SHANK2: variants seen among roughly 807,000 people sequenced by gnomAD.
SHANK2 encodes the protein SH3 and multiple ankyrin repeat domains 2.
A neutral mutation model predicts 133.7 loss-of-function variants in SHANK2; 43 were observed. That is an observed-to-expected ratio of 0.32 (90% CI 0.25 to 0.41). SHANK2 has a LOEUF of 0.41. Ranked by LOEUF, SHANK2 falls within the 10% of genes least tolerant of loss-of-function variation. The probability of loss-of-function intolerance (pLI) is 1.00; values close to 1 mark genes in which losing one functional copy is unlikely to be tolerated. For synonymous variants in SHANK2, 1,017 were observed against 952.8 expected, an observed-to-expected ratio of 1.07 and a Z score of -1.24; for missense variants, 1,994 against 2,235.8, an observed-to-expected ratio of 0.89 and a Z score of 2.18.
At position 70,627,237 on chromosome 11, in the gene SHANK2, C is replaced by G. The variant is rs144855064; in HGVS notation, c.2061+32591G>C. Among the ~76,000 whole-genome samples the G allele has an allele frequency of 2.3e-3, 343 of 152,300 alleles. 2 individuals carry two copies. Among genetic ancestry groups the G allele is most frequent in the African/African-American group, 7.8e-3 (326 of 41,546 alleles). On this transcript the variant is annotated intron_variant, in intron 17 of 25. Transcript: ENST00000601538. ...CCACCCTCCTGAAGTTAGGTGCGGC[C>G]AAGTGAGCCGGCGGCTGCAGGGACG...
chr11:70,725,700 T>C (rs1309355912), intron 14 of SHANK2, among the ~76,000 whole-genome samples: 2 of 150,838 alleles, frequency 1.3e-5, no homozygotes, highest in South Asian at 2.1e-4. Flanking sequence ...GAGAATGTCA[T>C]TTATCAAAGG....
At chr11:70,798,802 T>C (rs145011476) in intron 13 of SHANK2, among the ~76,000 whole-genome samples, 855 of 152,334 alleles carry the variant, frequency 5.6e-3, no homozygotes, top group Non-Finnish European at 0.01. Context: ...AATGAAGCAC[T>C]GACATGTTTG....
chr11:70,919,385 T>A (rs869274527), intron 10 of SHANK2, among the ~76,000 whole-genome samples: 1 of 146,386 alleles, frequency 6.8e-6, no homozygotes, highest in African/African-American at 2.5e-5. Flanking sequence ...TTTTTTTTTT[T>A]AACTCTTTTT....
intron 17 of SHANK2, among the ~76,000 whole-genome samples, chr11:70,611,576 G>A (rs1025122221): frequency 1.3e-5 from 2 of 152,254 alleles, no homozygotes; most frequent in Non-Finnish European, 1.5e-5. Context: ...GAAACAGAGG[G>A]TGTCTGGTTT....
At chr11:71,100,172 T>C (rs1293363565) in intron 6 of SHANK2, among the ~76,000 whole-genome samples, 1 of 152,036 alleles carries the variant, frequency 6.6e-6, no homozygotes, top group Non-Finnish European at 1.5e-5. Flanking sequence ...AGTAGGAGTG[T>C]AAAATGGCGC....
chr11:70,715,846 A>G lies in SHANK2; in HGVS notation c.1778-17083T>C, dbSNP rs1591778936. Among the ~76,000 whole-genome samples the G allele has an allele frequency of 3.9e-5, 6 of 152,298 alleles. No homozygotes were observed. In the South Asian group the frequency reaches 1.2e-3, roughly 32 times the overall value. ...CACATGCCCCTGGACCCGGCAGCCCAGGGCTGGAGTCGCCAGTGGGGAGGA... is the reference window on the plus strand; with the variant it reads ...CACATGCCCCTGGACCCGGCAGCCCGGGGCTGGAGTCGCCAGTGGGGAGGA... On this transcript the variant is annotated intron_variant, in intron 14 of 25. Coordinates refer to ENST00000601538, the MANE Select transcript of SHANK2 (RefSeq NM_012309.5).
At chr11:70,671,054 T>C (rs1463091959) in intron 15 of SHANK2, among the ~76,000 whole-genome samples, 1 of 152,210 alleles carries the variant, frequency 6.6e-6, no homozygotes, top group Admixed American at 6.5e-5. Context: ...TGATAAGCAA[T>C]GCAAGTTTTT....
At chr11:70,885,307 G>A (rs1359247633) in intron 11 of SHANK2, among the ~76,000 whole-genome samples, 1 of 152,190 alleles carries the variant, frequency 6.6e-6, no homozygotes, top group Non-Finnish European at 1.5e-5. Context: ...CTCTAAGGGT[G>A]AGAACTGCCC....
At chr11:70,752,159 G>C (rs1555037537) in intron 14 of SHANK2, among the ~76,000 whole-genome samples, 1 of 151,784 alleles carries the variant, frequency 6.6e-6, no homozygotes, top group Non-Finnish European at 1.5e-5. Context: ...TTCTTATCCA[G>C]GCTGGTTTTG....
chr11:70,874,795 A>G (rs921700070), intron 11 of SHANK2, among the ~76,000 whole-genome samples: 25 of 152,154 alleles, frequency 1.6e-4, no homozygotes, highest in African/African-American at 5.8e-4. Context: ...AAGGAACACG[A>G]GTTCACTTTG....
chr11:71,246,866 TCCAGTAACAGCTCC>T (rs1404429817), intron 1 of SHANK2, among the ~76,000 whole-genome samples: 2 of 152,142 alleles, frequency 1.3e-5, no homozygotes, highest in Non-Finnish European at 2.9e-5. Context: ...GAGAGGCAGC[TCCAGTAACAGCTCC>T]CCTTTTCCAT....
rs147789540 is a variant in SHANK2 at position 71,106,849 on chromosome 11, G to A, written c.592+3092C>T. Among the ~76,000 whole-genome samples the A allele has an allele frequency of 5.4e-3, 824 of 152,154 alleles. 5 individuals carry two copies. Among genetic ancestry groups the A allele is most frequent in the African/African-American group, 0.018 (763 of 41,516 alleles). ...GAGGGAAGGGGAGGGGAGAGGCCAG[G>A]CGTGGTGGCACACACCTGTAATCCC... On this transcript the variant is annotated intron_variant, in intron 6 of 25. Transcript: ENST00000601538.
intron 1 of SHANK2, among the ~76,000 whole-genome samples, chr11:71,238,925 C>A (rs1265816171): frequency 2.6e-5 from 4 of 152,216 alleles, no homozygotes; most frequent in African/African-American, 9.6e-5. Flanking sequence ...CCCCTACACA[C>A]CTGTGGGTGT....
chr11:70,508,031 C>T (rs1178852073), intron 17 of SHANK2, among the ~76,000 whole-genome samples: 1 of 152,170 alleles, frequency 6.6e-6, no homozygotes, highest in African/African-American at 2.4e-5. Flanking sequence ...TAGATTCTGC[C>T]GAGAGGGCAC....
rs1945663135 is a variant in SHANK2, at chr11:70,706,342, G to T, written c.1778-7579C>A. 2.6e-5 allele frequency among the ~76,000 whole-genome samples: 4 copies of T among 152,308 alleles called. No individual in the cohort carries two copies. In the South Asian group the frequency reaches 8.3e-4, roughly 32 times the overall value. The stretch of plus-strand genomic sequence containing the variant: ...GGAGAAAGTGAGCGAATGGGTCAAA[G>T]CCACACACCCTTGGACCCTTTGCTC... On this transcript the variant is annotated intron_variant, in intron 14 of 25. Coordinates refer to ENST00000601538, the MANE Select transcript of SHANK2 (RefSeq NM_012309.5).
At chr11:71,197,061 G>A (rs1351677311) in intron 2 of SHANK2, among the ~76,000 whole-genome samples, 2 of 150,048 alleles carry the variant, frequency 1.3e-5, no homozygotes, top group East Asian at 2.0e-4. Context: ...AGGCCCTCAC[G>A]TGCCTCGCTC....
rs141339831 is a variant in SHANK2, at chr11:70,581,976, C to T, written c.2061+77852G>A. ...CCGTAAATGTTTGCCAGCTCTGCCC[C>T]GAGCCTCATGCCCACAGAGGCCATC... On this transcript the variant is annotated intron_variant, in intron 17 of 25. Coordinates refer to ENST00000601538, the MANE Select transcript of SHANK2 (RefSeq NM_012309.5). 1.7e-3 allele frequency among the ~76,000 whole-genome samples: 260 copies of T among 152,358 alleles called. 1 individual carries two copies. The highest frequency in any genetic ancestry group is 2.4e-3 in the Non-Finnish European group (166 of 68,032).
At chr11:70,740,170 G>C (rs189460918) in intron 14 of SHANK2, among the ~76,000 whole-genome samples, 1 of 150,930 alleles carries the variant, frequency 6.6e-6, no homozygotes, top group East Asian at 2.0e-4. Context: ...GTCCACAGCA[G>C]CTAGGACAGA....
chr11:71,116,278 A>C (rs1457935997), intron 4 of SHANK2, among the ~76,000 whole-genome samples: 6 of 152,240 alleles, frequency 3.9e-5, no homozygotes, highest in African/African-American at 1.4e-4. Context: ...CTGTTGACTA[A>C]GCTAAAATGA....
Sources: allele counts gnomAD v4.1 joint callset (sites outside exome capture counted in the v4.1 genomes callset), GRCh38; gene constraint gnomAD v4.1.1; transcripts MANE v1.5; gene names NCBI Gene and HGNC (gene_info 2026-07-23, HGNC 2026-07-21).